Variants in XIRP2 observed in about 807,000 individuals in gnomAD.
XIRP2 encodes xin actin binding repeat containing 2.
In XIRP2, 236 loss-of-function variants were observed where a neutral mutation model predicts 277.0. That is an observed-to-expected ratio of 0.85 (90% CI 0.77 to 0.95). XIRP2 has a LOEUF of 0.95. Ranked by LOEUF, XIRP2 falls within the 40% of genes least tolerant of loss-of-function variation. The probability of loss-of-function intolerance (pLI) is 0.00; values close to 1 mark genes in which losing one functional copy is unlikely to be tolerated. For missense variants in XIRP2, 4,640 were observed against 4,157.5 expected, an observed-to-expected ratio of 1.12 and a Z score of -3.19; for synonymous variants, 1,490 against 1,416.5, an observed-to-expected ratio of 1.05 and a Z score of -1.17.
intron 3 of XIRP2, among the ~76,000 whole-genome samples, chr2:167,167,312 T>C (rs967041154): frequency 1.3e-5 from 2 of 152,158 alleles, no homozygotes; most frequent in Non-Finnish European, 2.9e-5. Flanking sequence ...AATTGGTATA[T>C]TTAGACCACT....
intron 2 of XIRP2, among the ~76,000 whole-genome samples, chr2:166,930,373 C>T (rs750468123): frequency 6.6e-6 from 1 of 152,088 alleles, no homozygotes; most frequent in Non-Finnish European, 1.5e-5. Context: ...GTGTTAATGA[C>T]AAAGGAACAT....
At chr2:167,199,321 G>A (rs1205584026) in intron 3 of XIRP2, among the ~76,000 whole-genome samples, 1 of 152,164 alleles carries the variant, frequency 6.6e-6, no homozygotes, top group Non-Finnish European at 1.5e-5. Context: ...ACAACTTAAA[G>A]ATAAGCCTGC....
intron 3 of XIRP2, among the ~76,000 whole-genome samples, chr2:167,151,816 A>G (rs140524959): frequency 2.9e-3 from 436 of 152,222 alleles, no homozygotes; most frequent in African/African-American, 9.4e-3. Flanking sequence ...AACTAGGTGC[A>G]TGGTTGTTGC....
chr2:167,030,752 T>A (rs978313700), intron 2 of XIRP2, among the ~76,000 whole-genome samples: 2 of 152,258 alleles, frequency 1.3e-5, no homozygotes, highest in African/African-American at 4.8e-5. Flanking sequence ...TGAGTTCAAG[T>A]CCTGAATACG....
At chr2:166,931,789 G>T (rs191450835) in intron 2 of XIRP2, among the ~76,000 whole-genome samples, 87 of 152,204 alleles carry the variant, frequency 5.7e-4, no homozygotes, top group African/African-American at 2.0e-3. Flanking sequence ...CTCTTGGATA[G>T]AAGTATAATT....
chr2:167,251,774 T>G lies in XIRP2; in HGVS notation c.10382T>G (p.Val3461Gly), dbSNP rs764595524. The G allele has an allele frequency of 6.2e-7, 1 of 1,613,360 alleles. No homozygotes were observed. The highest frequency in any genetic ancestry group is 8.5e-7 in the Non-Finnish European group (1 of 1,179,594). The part of the protein sequence containing the change: ...FKHAPPTYED[V>G]IAGHILDISD... ...CATGCCCCACCAACCTATGAGGATG[T>G]CATTGCTGGACATATTTTAGATATC... The change falls in exon 9 of 11, where the codon GTC becomes GGC. Residue 3461 changes from valine (V) to glycine (G), a missense_variant. Transcript: ENST00000409195.
chr2:167,169,816 T>C (rs1304875134), intron 3 of XIRP2, among the ~76,000 whole-genome samples: 1 of 152,214 alleles, frequency 6.6e-6, no homozygotes, highest in Non-Finnish European at 1.5e-5. Context: ...TTTTATTAGT[T>C]ATAGTAATTT....
intron 2 of XIRP2, among the ~76,000 whole-genome samples, chr2:167,033,039 C>A (rs1688409999): frequency 6.6e-6 from 1 of 152,138 alleles, no homozygotes; most frequent in African/African-American, 2.4e-5. Flanking sequence ...GACCTGGAAC[C>A]AACCCAAATG....
rs775296687 is a variant in XIRP2 at position 167,246,456 on chromosome 2, C to A, written c.5064C>A (p.Asn1688Lys). The A allele has an allele frequency of 7.4e-6, 12 of 1,613,734 alleles. No homozygotes were observed. The highest frequency in any genetic ancestry group is 1.0e-5 in the Non-Finnish European group (12 of 1,179,786). The change falls in exon 9 of 11, where the codon AAC becomes AAA. Residue 1688 changes from asparagine to lysine, a missense_variant. Physicochemically the swap from Asn to Lys is moderately conservative, Grantham distance 94. Transcript: ENST00000409195. ...AGGAAGATGAAAAAGGAGATATTAA[C>A]ATGACTATCTATTGTCTTCTTCATG... ...LIQEDEKGDI[N>K]MTIYCLLHEN...
At chr2:167,227,701 T>G (rs1355562156) in intron 5 of XIRP2, among the ~76,000 whole-genome samples, 1 of 151,948 alleles carries the variant, frequency 6.6e-6, no homozygotes, top group Non-Finnish European at 1.5e-5. Flanking sequence ...AGTGAGACCC[T>G]GTCTCAAAAA....
chr2:167,140,118 T>C (rs1232775586), intron 3 of XIRP2, among the ~76,000 whole-genome samples: 2 of 152,190 alleles, frequency 1.3e-5, no homozygotes. Context: ...CTTCGAGAAC[T>C]AGGGATGATC....
At chr2:167,013,606 G>A (rs967614582) in intron 2 of XIRP2, among the ~76,000 whole-genome samples, 7 of 151,432 alleles carry the variant, frequency 4.6e-5, no homozygotes, top group African/African-American at 9.7e-5. Context: ...ATATATATGT[G>A]AAATATAAAT....
In XIRP2 at chr2:166,948,037, T is replaced by C. The variant is rs1208704703; in HGVS notation, c.408+44147T>C. Among the ~76,000 whole-genome samples the C allele has an allele frequency of 2.0e-5, 3 of 152,120 alleles. No individual in the cohort carries two copies. In the East Asian group the frequency reaches 5.8e-4, roughly 29 times the overall value. ...CAAAATTATGGAGATAGTAAAGAGATCAGCGGTTTCTGGGAGCTGGGTGAG... is the reference window on the plus strand; with the variant it reads ...CAAAATTATGGAGATAGTAAAGAGACCAGCGGTTTCTGGGAGCTGGGTGAG... On this transcript the variant is annotated intron_variant, in intron 2 of 10. Coordinates refer to ENST00000409195, the MANE Select transcript of XIRP2 (RefSeq NM_152381.6).
chr2:167,008,453 A>G (rs1012038695), intron 2 of XIRP2, among the ~76,000 whole-genome samples: 44 of 151,776 alleles, frequency 2.9e-4, no homozygotes, highest in Non-Finnish European at 4.6e-4. Context: ...CTGTCATAAT[A>G]AAATGGTCTT....
chr2:167,058,317 G>C (rs187069352), intron 2 of XIRP2, among the ~76,000 whole-genome samples: 35 of 152,150 alleles, frequency 2.3e-4, no homozygotes, highest in African/African-American at 8.2e-4. Context: ...GAACTCCCGG[G>C]TGATCCACCC....
chr2:167,252,245 C>G (rs1695533558), intron 9 of XIRP2, among the ~76,000 whole-genome samples: 1 of 151,928 alleles, frequency 6.6e-6, no homozygotes, highest in Non-Finnish European at 1.5e-5. Flanking sequence ...ACAGGTATAG[C>G]AATAATTTTA....
intron 2 of XIRP2, among the ~76,000 whole-genome samples, chr2:167,078,888 A>G (rs1689654333): frequency 6.6e-6 from 1 of 151,512 alleles, no homozygotes; most frequent in African/African-American, 2.4e-5. Context: ...TTTTGCACCA[A>G]CAATATATTG....
chr2:167,023,438 G>A (rs937973864), intron 2 of XIRP2, among the ~76,000 whole-genome samples: 2 of 151,754 alleles, frequency 1.3e-5, no homozygotes, highest in African/African-American at 4.8e-5. Context: ...TTCTTTTGCT[G>A]TGCAGAAGCT....
At chr2:166,896,952 C>T (rs1684260187) in intron 1 of XIRP2, among the ~76,000 whole-genome samples, 1 of 152,170 alleles carries the variant, frequency 6.6e-6, no homozygotes, top group African/African-American at 2.4e-5. Context: ...CAATAACATG[C>T]TGTACAGCTG....
Sources: gnomAD v4.1 joint callset for allele counts (sites outside exome capture counted in the v4.1 genomes callset) on GRCh38, gnomAD v4.1.1 for gene constraint, MANE v1.5 for transcripts, NCBI Gene and HGNC (gene_info 2026-07-23, HGNC 2026-07-21) for gene names.